SHISA6: variants seen among roughly 807,000 people sequenced by gnomAD.
SHISA6 encodes the protein shisa family member 6, also known as protein shisa-6.
In SHISA6, 22 loss-of-function variants were observed where a neutral mutation model predicts 47.9. That is an observed-to-expected ratio of 0.46 (90% CI 0.33 to 0.66). The LOEUF (loss-of-function observed/expected upper bound fraction) is 0.66, where lower values mean the gene tolerates loss of function less well. Ranked by LOEUF, SHISA6 falls within the 30% of genes least tolerant of loss-of-function variation. The pLI, the probability that SHISA6 is intolerant of heterozygous loss-of-function variation, is 0.02. For missense variants in SHISA6, 680 were observed against 764.6 expected (o/e 0.89, Z 1.30); for synonymous variants, 388 against 337.8 (o/e 1.15, Z -1.63).
intron 3 of SHISA6, among the ~76,000 whole-genome samples, chr17:11,531,209 CTCTGTGTGTG>C (rs2071729190): frequency 7.5e-6 from 1 of 132,522 alleles, no homozygotes; most frequent in South Asian, 2.5e-4. Context: ...CAGGTTACTA[CTCTGTGTGTG>C]TGTGTGTGTG....
In SHISA6 at chr17:11,241,790, C is replaced by G. The variant is rs1419794625; in HGVS notation, c.368C>G (p.Thr123Ser). Reference sequence around the variant, plus strand: ...AGCGGCTACCTGTACTGCTGCGGTACCTGCTACTACCGCTTCTGCTGCAAG... The same window carrying G: ...AGCGGCTACCTGTACTGCTGCGGTAGCTGCTACTACCGCTTCTGCTGCAAG... ...SESGYLYCCGTCYYRFCCKKR... is the reference protein window; with the variant it reads ...SESGYLYCCGSCYYRFCCKKR... The change falls in exon 1 of 6, where the codon ACC (threonine) becomes AGC (serine). Residue 123 changes from threonine to serine, a missense_variant. By Grantham distance (58) the Thr-to-Ser change is moderately conservative. Transcript: ENST00000441885. The surrounding 1 kb of genome is among the most constrained non-coding windows in gnomAD (Gnocchi z 5.5). 6.5e-7 allele frequency: 1 copy of G among 1,550,050 alleles called. No homozygotes were observed. The highest frequency in any genetic ancestry group is 1.4e-5 in the African/African-American group (1 of 73,062).
intron 3 of SHISA6, among the ~76,000 whole-genome samples, chr17:11,397,430 T>TGTGTGTGTGTGTG (rs1555532586): frequency 1.3e-4 from 19 of 150,926 alleles, no homozygotes; most frequent in South Asian, 1.0e-3. Flanking sequence ...TGTGTGTGTG[T>TGTGTGTGTGTGTG]TCACTACCTT....
At chr17:11,517,061 C>A (rs561183179) in intron 3 of SHISA6, among the ~76,000 whole-genome samples, 7 of 152,228 alleles carry the variant, frequency 4.6e-5, no homozygotes, top group Admixed American at 4.6e-4. Flanking sequence ...GCATATAGAT[C>A]ATAATGGTGT....
intron 2 of SHISA6, among the ~76,000 whole-genome samples, chr17:11,327,921 GTCTCTCTCTC>G (rs111745061): frequency 4.7e-5 from 7 of 149,724 alleles, no homozygotes; most frequent in African/African-American, 1.7e-4. Flanking sequence ...CTCTCTCTCT[GTCTCTCTCTC>G]TCTCTCTGTC....
intron 3 of SHISA6, among the ~76,000 whole-genome samples, chr17:11,475,410 A>G (rs1459430431): frequency 6.6e-6 from 1 of 152,078 alleles, no homozygotes; most frequent in Non-Finnish European, 1.5e-5. Context: ...GATGTTAGCT[A>G]TAGGTTTTTT....
intron 3 of SHISA6, among the ~76,000 whole-genome samples, chr17:11,475,765 T>G (rs1449333795): frequency 6.6e-6 from 1 of 151,940 alleles, no homozygotes; most frequent in African/African-American, 2.4e-5. Context: ...ATGTCTTTGG[T>G]TTATGTGTTT....
At chr17:11,504,837 A>G (rs1323518656) in intron 3 of SHISA6, among the ~76,000 whole-genome samples, 2 of 152,174 alleles carry the variant, frequency 1.3e-5, no homozygotes, top group African/African-American at 4.8e-5. Context: ...TCAGGTATGT[A>G]ATACCATTAG....
At chr17:11,388,532 C>T (rs989442688) in intron 3 of SHISA6, among the ~76,000 whole-genome samples, 9 of 151,866 alleles carry the variant, frequency 5.9e-5, no homozygotes, top group South Asian at 2.1e-4. Flanking sequence ...TGTCTGGATA[C>T]GGAGAACCTG....
chr17:11,351,750 A>G (rs556923262), intron 2 of SHISA6, among the ~76,000 whole-genome samples: 4 of 152,178 alleles, frequency 2.6e-5, no homozygotes, highest in Non-Finnish European at 5.9e-5. Flanking sequence ...ATGCTTTTTG[A>G]ATGAAGAAAG....
intron 1 of SHISA6, among the ~76,000 whole-genome samples, chr17:11,262,126 T>C (rs1908253856): frequency 6.6e-6 from 1 of 152,236 alleles, no homozygotes; most frequent in Non-Finnish European, 1.5e-5. Context: ...CCAACTCCCT[T>C]CTTTTTCATG....
chr17:11,377,131 C>T (rs1229106279), intron 2 of SHISA6, among the ~76,000 whole-genome samples: 1 of 152,158 alleles, frequency 6.6e-6, no homozygotes, highest in Non-Finnish European at 1.5e-5. Flanking sequence ...TCATTGAACT[C>T]AACATTTTCC....
intron 2 of SHISA6, among the ~76,000 whole-genome samples, chr17:11,335,804 G>C (rs1202817709): frequency 6.6e-6 from 1 of 152,180 alleles, no homozygotes. Flanking sequence ...GAACCTGTCT[G>C]AGCCTCATTT....
chr17:11,563,739 C>T lies in SHISA6; in HGVS notation c.*5435C>T, dbSNP rs1355892058. 6.6e-6 allele frequency: 1 copy of T among 152,204 alleles called. No homozygotes were observed. Among genetic ancestry groups the T allele is most frequent in the Non-Finnish European group, 1.5e-5 (1 of 68,018 alleles). 9.4% of individuals were successfully genotyped at this position (152,204 alleles called of 1,614,324 possible). The stretch of plus-strand genomic sequence containing the variant: ...CTGTAATATTTTTAGTTTGGGGACA[C>T]AATTTCCTAAGGGGGGATTAATGAA... On this transcript the variant is annotated 3_prime_UTR_variant, in exon 6 of 6. Transcript: ENST00000441885.
intron 1 of SHISA6, among the ~76,000 whole-genome samples, chr17:11,249,638 T>G (rs992566199): frequency 6.6e-6 from 1 of 152,216 alleles, no homozygotes; most frequent in African/African-American, 2.4e-5. Flanking sequence ...ATGCTGATTT[T>G]TCTGCAGAAA....
At chr17:11,498,128 T>C (rs2142344173) in intron 3 of SHISA6, among the ~76,000 whole-genome samples, 1 of 152,332 alleles carries the variant, frequency 6.6e-6, no homozygotes. Flanking sequence ...CTCAATAGAA[T>C]CCACAGGTGG....
At chr17:11,355,660 A>G (rs1281015620) in intron 2 of SHISA6, among the ~76,000 whole-genome samples, 1 of 152,204 alleles carries the variant, frequency 6.6e-6, no homozygotes, top group Non-Finnish European at 1.5e-5. Flanking sequence ...TTCATTCTTC[A>G]GTTACCTACA....
At position 11,426,939 on chromosome 17, in the gene SHISA6, C is replaced by T. The variant is rs537603447; in HGVS notation, c.895+47430C>T. ...CCTTCTTTGCAGAAAACAACAATAA[C>T]AACATCACGTTGCCATCCTGTCTCC... is the stretch of plus-strand genomic sequence containing the variant. On this transcript the variant is annotated intron_variant, in intron 3 of 5. Coordinates refer to ENST00000441885, the MANE Select transcript of SHISA6 (RefSeq NM_207386.4). Among the ~76,000 whole-genome samples, 4 of 152,256 alleles carry T rather than the reference C, an allele frequency of 2.6e-5. No individual in the cohort carries two copies. In the South Asian group the frequency reaches 6.2e-4, roughly 24 times the overall value.
rs117842822 is a variant in SHISA6 at position 11,390,923 on chromosome 17, G to A, written c.895+11414G>A. ...GAAGCCAGGCAGTAAAACTCCTGCC[G>A]AGTAAATGGGAAGTGCCATGAAGTA... On this transcript the variant is annotated intron_variant, in intron 3 of 5. Coordinates refer to ENST00000441885, the MANE Select transcript of SHISA6 (RefSeq NM_207386.4). Among the ~76,000 whole-genome samples the A allele has an allele frequency of 1.5e-3, 230 of 152,298 alleles. 1 individual carries two copies. In the East Asian group the frequency reaches 0.019, roughly 12 times the overall value.
At chr17:11,285,711 GAC>G (rs1211238087) in intron 2 of SHISA6, among the ~76,000 whole-genome samples, 2 of 152,188 alleles carry the variant, frequency 1.3e-5, no homozygotes, top group Non-Finnish European at 2.9e-5. Context: ...CTGTGGTCAA[GAC>G]ACAGATTAGC....
Sources: allele counts gnomAD v4.1 joint callset (sites outside exome capture counted in the v4.1 genomes callset), GRCh38; gene constraint gnomAD v4.1.1; non-coding constraint Gnocchi (gnomAD v3.1); transcripts MANE v1.5; gene names NCBI Gene and HGNC (gene_info 2026-07-23, HGNC 2026-07-21).